DHX15: variants seen among roughly 807,000 people sequenced by gnomAD.
DHX15 encodes DEAH-box helicase 15.
Under a neutral mutation model 94.4 loss-of-function variants are expected in DHX15, and 11 were observed. That is an observed-to-expected ratio of 0.12 (90% CI 0.07 to 0.19). DHX15 has a LOEUF of 0.19. Ranked by LOEUF, DHX15 falls within the 10% of genes least tolerant of loss-of-function variation. The pLI is 1.00. For missense variants in DHX15, 304 were observed against 988.5 expected, an observed-to-expected ratio of 0.31 and a Z score of 9.29; for synonymous variants, 338 against 329.9, an observed-to-expected ratio of 1.02 and a Z score of -0.27.
chr4:24,541,244 A>G (rs953810104), intron 8 of DHX15, among the ~76,000 whole-genome samples: 2 of 152,186 alleles, frequency 1.3e-5, no homozygotes, highest in Non-Finnish European at 2.9e-5. Flanking sequence ...AGCAGTGTCA[A>G]CAGAAAAAAT....
At chr4:24,557,733 T>G (rs1721767667) in intron 3 of DHX15, among the ~76,000 whole-genome samples, 1 of 152,116 alleles carries the variant, frequency 6.6e-6, no homozygotes, top group African/African-American at 2.4e-5. Flanking sequence ...CCAATTAAAT[T>G]ATGACTCAGT....
In DHX15 at chr4:24,544,555, C is replaced by T. The variant is rs541501815; in HGVS notation, c.1249-1529G>A. ...CAGCAACTAGAACTGAAGCAAACAA[C>T]GACATACATAAGGTTAACAGGTGAA... On this transcript the variant is annotated intron_variant, in intron 6 of 13. Transcript: ENST00000336812. Among the ~76,000 whole-genome samples the T allele has an allele frequency of 7.2e-5, 11 of 152,234 alleles. No individual in the cohort carries two copies. In the East Asian group the frequency reaches 2.1e-3, roughly 29 times the overall value.
chr4:24,554,804 G>C lies in DHX15; in HGVS notation c.1001C>G (p.Ala334Gly). Residue 334 changes from alanine to glycine, a missense_variant, in exon 5 of 14, where the codon GCA becomes GGA. Transcript: ENST00000336812. ...AATCTGGATAACTGTTCGAATTGCTGCTTCAAGATAATCTCTCTCTGGTTC... is the reference window on the plus strand; with the variant it reads ...AATCTGGATAACTGTTCGAATTGCTCCTTCAAGATAATCTCTCTCTGGTTC... ...TPEPERDYLEAAIRTVIQIHM... is the reference protein window; with the variant it reads ...TPEPERDYLEGAIRTVIQIHM... The C allele has an allele frequency of 6.2e-7, 1 of 1,613,774 alleles. No individual in the cohort carries two copies. The highest frequency in any genetic ancestry group is 8.5e-7 in the Non-Finnish European group (1 of 1,179,876).
chr4:24,581,331 G>A (rs1412037821), intron 1 of DHX15, among the ~76,000 whole-genome samples: 1 of 152,046 alleles, frequency 6.6e-6, no homozygotes, highest in Non-Finnish European at 1.5e-5. Context: ...CCCGGCCTAT[G>A]GCAGCCAATT....
intron 13 of DHX15, among the ~76,000 whole-genome samples, chr4:24,528,562 T>C (rs531536926): frequency 8.5e-5 from 13 of 152,330 alleles, no homozygotes; most frequent in African/African-American, 2.4e-4. Flanking sequence ...TCCTACACAA[T>C]TTAAGTGTCA....
At chr4:24,547,915 ATATATATATATATATATATATATATAT>A (rs1721472774) in intron 6 of DHX15, among the ~76,000 whole-genome samples, 1 of 53,776 alleles carries the variant, frequency 1.9e-5, no homozygotes, top group African/African-American at 9.1e-5. Flanking sequence ...ATATATATAT[ATATATATATATATATATATATATATAT>A]CTATATCTAT....
chr4:24,542,207 T>A (rs544121704), intron 7 of DHX15, among the ~76,000 whole-genome samples, 185 bp from the exon 8 acceptor site: 1 of 152,286 alleles, frequency 6.6e-6, no homozygotes, highest in African/African-American at 2.4e-5. Context: ...ACATTCTAAT[T>A]CGATCATCTG....
intron 6 of DHX15, among the ~76,000 whole-genome samples, chr4:24,546,996 T>C (rs943961004): frequency 1.3e-5 from 2 of 152,242 alleles, no homozygotes; most frequent in African/African-American, 2.4e-5. Context: ...ATCCCTCCTC[T>C]ATAAGCCAGG....
At chr4:24,577,993 T>A (rs1401436651) in intron 1 of DHX15, among the ~76,000 whole-genome samples, 1 of 152,298 alleles carries the variant, frequency 6.6e-6, no homozygotes, top group South Asian at 2.1e-4. Flanking sequence ...CAAGTGCAGT[T>A]GTGTGACATG....
intron 13 of DHX15, among the ~76,000 whole-genome samples, 172 bp downstream of exon 13, chr4:24,529,429 A>T (rs750077166): frequency 6.6e-6 from 1 of 152,170 alleles, no homozygotes; most frequent in Non-Finnish European, 1.5e-5. Context: ...TGTCCACTTA[A>T]CAAAGGAAGG....
chr4:24,533,871 G>C (rs189275520), intron 11 of DHX15: 3 of 152,308 alleles, frequency 2.0e-5, no homozygotes, highest in Admixed American at 2.0e-4. Flanking sequence ...ATGGGAGAGA[G>C]AAAACAAAAA....
At chr4:24,536,388 T>C (rs754761401) in intron 11 of DHX15, among the ~76,000 whole-genome samples, 71 of 152,146 alleles carry the variant, frequency 4.7e-4, no homozygotes, top group Non-Finnish European at 9.0e-4. Flanking sequence ...GGTCAAAGAG[T>C]ATACAGTTGC....
chr4:24,580,442 G>T (rs543784785), intron 1 of DHX15, among the ~76,000 whole-genome samples: 49 of 151,186 alleles, frequency 3.2e-4, no homozygotes, highest in South Asian at 1.2e-3. Context: ...AATAATAACA[G>T]GCACTGAAGT....
At chr4:24,559,475 G>T (rs1307314857) in intron 3 of DHX15, among the ~76,000 whole-genome samples, 1 of 150,400 alleles carries the variant, frequency 6.6e-6, no homozygotes, top group Non-Finnish European at 1.5e-5. Context: ...ACTTGACACA[G>T]AACTCAGGAA....
chr4:24,532,342 G>A lies in DHX15; in HGVS notation c.2100+522C>T, dbSNP rs914724930. 9.9e-5 allele frequency among the ~76,000 whole-genome samples: 15 copies of A among 152,166 alleles called. 1 individual carries two copies. The highest frequency in any genetic ancestry group is 3.4e-4 in the African/African-American group (14 of 41,434). On this transcript the variant is annotated intron_variant, in intron 12 of 13. Coordinates refer to ENST00000336812, the MANE Select transcript of DHX15 (RefSeq NM_001358.3). ...TAATTACCAATGATCACTCTGTAGA[G>A]GACTGTAAATGAAATCCACGTATTT...
At chr4:24,539,426 C>T (rs1166087638) in intron 10 of DHX15, among the ~76,000 whole-genome samples, 1 of 151,962 alleles carries the variant, frequency 6.6e-6, no homozygotes, top group Non-Finnish European at 1.5e-5. Flanking sequence ...ATCTAATTTC[C>T]AAGTTACTAT....
At chr4:24,571,168 C>T (rs1417193198) in intron 2 of DHX15, among the ~76,000 whole-genome samples, 4 of 152,172 alleles carry the variant, frequency 2.6e-5, no homozygotes, top group Admixed American at 1.3e-4. Flanking sequence ...TTATAACAAA[C>T]GTTTCTAAGA....
At chr4:24,565,643 T>C (rs1039888266) in intron 3 of DHX15, among the ~76,000 whole-genome samples, 6 of 152,232 alleles carry the variant, frequency 3.9e-5, no homozygotes, top group Non-Finnish European at 7.3e-5. Flanking sequence ...CCAATTGTAA[T>C]TCAATTATTG....
At chr4:24,584,137 A>ACC (rs936592142) in intron 1 of DHX15, 186 bp downstream of exon 1, 5 of 607,920 alleles carry the variant, frequency 8.2e-6, no homozygotes, top group Non-Finnish European at 1.4e-5. Context: ...GTCGCACGCA[A>ACC]CCCCCCGCGC....
Sources: allele counts gnomAD v4.1 joint callset (sites outside exome capture counted in the v4.1 genomes callset), GRCh38; gene constraint gnomAD v4.1.1; transcripts MANE v1.5; gene names NCBI Gene and HGNC (gene_info 2026-07-23, HGNC 2026-07-21).